PTPRR: variants seen among roughly 807,000 people sequenced by gnomAD.
PTPRR encodes receptor-type tyrosine-protein phosphatase R.
A neutral mutation model predicts 77.2 loss-of-function variants in PTPRR; 38 were observed. The ratio of observed to expected loss-of-function variants is 0.49; its 90% confidence interval spans 0.38 to 0.65. The LOEUF (loss-of-function observed/expected upper bound fraction) is 0.65, where lower values mean the gene tolerates loss of function less well. Among genes scored for constraint, PTPRR ranks in the 30% least tolerant of loss-of-function variants. The pLI, the probability that PTPRR is intolerant of heterozygous loss-of-function variation, is 0.00. For synonymous variants in PTPRR, 299 were observed against 283.1 expected, an observed-to-expected ratio of 1.06 and a Z score of -0.57; for missense variants, 744 against 799.2, an observed-to-expected ratio of 0.93 and a Z score of 0.83.
At chr12:70,691,903 A>G (rs566572856) in intron 8 of PTPRR, among the ~76,000 whole-genome samples, 1 of 152,284 alleles carries the variant, frequency 6.6e-6, no homozygotes, top group South Asian at 2.1e-4. Flanking sequence ...TCTGTAAAAC[A>G]AAATCTGATC....
intron 7 of PTPRR, 31 bp downstream of exon 7, chr12:70,701,106 C>A (rs768481940): frequency 1.9e-6 from 3 of 1,611,208 alleles, no homozygotes; most frequent in South Asian, 2.2e-5. Flanking sequence ...AAAATACCGA[C>A]TGAAGAGTGA....
chr12:70,762,220 A>G (rs1890707960), intron 3 of PTPRR, among the ~76,000 whole-genome samples: 1 of 152,092 alleles, frequency 6.6e-6, no homozygotes, highest in African/African-American at 2.4e-5. Flanking sequence ...GACTTTTCCT[A>G]TTAGTATTAC....
intron 2 of PTPRR, among the ~76,000 whole-genome samples, chr12:70,823,212 G>A (rs1412454378): frequency 6.6e-6 from 1 of 151,516 alleles, no homozygotes; most frequent in Non-Finnish European, 1.5e-5. Context: ...TTACCCAGCA[G>A]TTTAAGACTG....
chr12:70,669,399 T>C (rs1887126665), intron 10 of PTPRR, among the ~76,000 whole-genome samples: 1 of 151,960 alleles, frequency 6.6e-6, no homozygotes. Flanking sequence ...TGGTTTCTAC[T>C]GCTGGAACAC....
intron 2 of PTPRR, among the ~76,000 whole-genome samples, chr12:70,824,068 A>T (rs755424986): frequency 6.6e-6 from 1 of 152,108 alleles, no homozygotes; most frequent in Admixed American, 6.5e-5. Context: ...GCATTGATAC[A>T]CTACTCTGGG....
Position 70,662,507 on chromosome 12 carries a change from G to C in PTPRR, c.1596C>G (p.Asn532Lys). The C allele has an allele frequency of 1.9e-6, 3 of 1,593,808 alleles. No individual in the cohort carries two copies. Among genetic ancestry groups the C allele is most frequent in the Non-Finnish European group, 8.6e-7 (1 of 1,163,850 alleles). The change falls in exon 11 of 14, where the codon AAC (asparagine) becomes AAG (lysine). Residue 532 changes from asparagine to lysine, a missense_variant. By Grantham distance (94) the Asn-to-Lys change is moderately conservative. Coordinates refer to ENST00000283228, the MANE Select transcript of PTPRR (RefSeq NM_002849.4). ...VNECDNYTIR[N>K]LVLKQGSHTQ... is the part of the protein sequence containing the mutation. ...TACATAATCTTACCTTTAAGACAAG[G>C]TTTCGAATGGTGTAGTTATCACATT...
chr12:70,853,588 C>T (rs1040454479), intron 2 of PTPRR, among the ~76,000 whole-genome samples: 2 of 152,128 alleles, frequency 1.3e-5, no homozygotes, highest in East Asian at 1.9e-4. Context: ...ATCTTGGTCT[C>T]GGACTTGATA....
At chr12:70,654,332 C>A (rs1238024253) in intron 13 of PTPRR, among the ~76,000 whole-genome samples, 1 of 152,092 alleles carries the variant, frequency 6.6e-6, no homozygotes, top group Admixed American at 6.5e-5. Context: ...AATCCCGGCA[C>A]TTTGGGAGGC....
At chr12:70,671,122 G>A (rs1047129909) in intron 10 of PTPRR, among the ~76,000 whole-genome samples, 7 of 152,122 alleles carry the variant, frequency 4.6e-5, no homozygotes, top group Non-Finnish European at 8.8e-5. Context: ...AAACAATGAC[G>A]CTTAACACAA....
chr12:70,822,924 G>C (rs1354420519), intron 2 of PTPRR, among the ~76,000 whole-genome samples: 1 of 151,356 alleles, frequency 6.6e-6, no homozygotes, highest in African/African-American at 2.4e-5. Flanking sequence ...TTTTTTGGGT[G>C]TGCATTTCTC....
At chr12:70,897,101 T>C (rs1040312169) in intron 1 of PTPRR, among the ~76,000 whole-genome samples, 2 of 151,946 alleles carry the variant, frequency 1.3e-5, no homozygotes, top group Non-Finnish European at 2.9e-5. Flanking sequence ...GTGGGAGGAC[T>C]TCATGTCTAA....
intron 1 of PTPRR, among the ~76,000 whole-genome samples, chr12:70,913,205 G>GA (rs1295255587): frequency 3.3e-5 from 5 of 152,038 alleles, no homozygotes; most frequent in South Asian, 2.1e-4. Context: ...TCTTCTATGA[G>GA]AAAAAATATG....
chr12:70,873,149 A>C (rs1892990696), intron 2 of PTPRR, among the ~76,000 whole-genome samples: 1 of 152,194 alleles, frequency 6.6e-6, no homozygotes, highest in Non-Finnish European at 1.5e-5. Context: ...TGAGTTGGAC[A>C]GGTGGTAGGT....
intron 8 of PTPRR, among the ~76,000 whole-genome samples, chr12:70,685,067 C>T (rs147778283): frequency 2.8e-4 from 43 of 152,290 alleles, no homozygotes; most frequent in Admixed American, 1.8e-3. Context: ...CATTTTTGCG[C>T]CCACTCTTAT....
intron 2 of PTPRR, among the ~76,000 whole-genome samples, chr12:70,871,468 G>C (rs1892957560): frequency 6.6e-6 from 1 of 152,078 alleles, no homozygotes; most frequent in African/African-American, 2.4e-5. Context: ...TTCTCTCCAT[G>C]GGCAAAATTA....
chr12:70,828,984 T>C (rs1044718653), intron 2 of PTPRR, among the ~76,000 whole-genome samples: 1 of 152,148 alleles, frequency 6.6e-6, no homozygotes, highest in Non-Finnish European at 1.5e-5. Context: ...TAATGAGAGA[T>C]GCTTCTTTCA....
chr12:70,868,747 T>C (rs946165218), intron 2 of PTPRR, among the ~76,000 whole-genome samples: 14 of 152,074 alleles, frequency 9.2e-5, no homozygotes, highest in Non-Finnish European at 1.6e-4. Flanking sequence ...TGTATGTTGA[T>C]TGCAGCACTA....
At chr12:70,879,485 G>A (rs1337230016) in intron 2 of PTPRR, among the ~76,000 whole-genome samples, 1 of 151,814 alleles carries the variant, frequency 6.6e-6, no homozygotes, top group Non-Finnish European at 1.5e-5. Flanking sequence ...ACAAGCACAT[G>A]AACCCGTCAT....
At chr12:70,796,887 G>A (rs1050105371) in intron 2 of PTPRR, among the ~76,000 whole-genome samples, 3 of 152,030 alleles carry the variant, frequency 2.0e-5, no homozygotes, top group South Asian at 2.1e-4. Context: ...GCATGGTGGC[G>A]TGCACCTGTA....
Sources: allele counts gnomAD v4.1 joint callset (sites outside exome capture counted in the v4.1 genomes callset), GRCh38; gene constraint gnomAD v4.1.1; transcripts MANE v1.5; gene names NCBI Gene and HGNC (gene_info 2026-07-23, HGNC 2026-07-21).